The following TTC39A variants were observed in gnomAD, a reference collection of about 807,000 sequenced individuals.
TTC39A encodes the protein tetratricopeptide repeat domain 39A, also known as tetratricopeptide repeat protein 39A.
TTC39A carries 46 observed loss-of-function variants against 82.3 expected under a neutral mutation model. The ratio of observed to expected loss-of-function variants is 0.56; its 90% confidence interval spans 0.44 to 0.71. TTC39A has a LOEUF of 0.71. TTC39A is among the 30% of genes least tolerant of loss of function. TTC39A has a pLI of 0.00. For synonymous variants in TTC39A, 254 were observed against 275.2 expected, an observed-to-expected ratio of 0.92 and a Z score of 0.76; for missense variants, 543 against 712.9, an observed-to-expected ratio of 0.76 and a Z score of 2.71.
At chr1:51,326,394 C>T (rs980652208) in intron 1 of TTC39A, among the ~76,000 whole-genome samples, 2 of 152,114 alleles carry the variant, frequency 1.3e-5, no homozygotes, top group African/African-American at 2.4e-5. Context: ...GAGGTACAAG[C>T]GTTCTGGAAG....
At chr1:51,323,985 G>T (rs943147424) in intron 1 of TTC39A, among the ~76,000 whole-genome samples, 2 of 152,142 alleles carry the variant, frequency 1.3e-5, no homozygotes, top group Non-Finnish European at 2.9e-5. Flanking sequence ...TGTGGGACAG[G>T]ATACATTGCT....
intron 1 of TTC39A, chr1:51,344,941 C>G (rs1294824058): frequency 6.6e-7 from 1 of 1,524,796 alleles, no homozygotes; most frequent in Non-Finnish European, 8.8e-7. Flanking sequence ...CTCCGGCGGC[C>G]CCTTGGTCCC....
At chr1:51,310,396 T>A (rs1191815071) in intron 5 of TTC39A, among the ~76,000 whole-genome samples, 1 of 152,136 alleles carries the variant, frequency 6.6e-6, no homozygotes, top group East Asian at 1.9e-4. Context: ...TGGTGGGTGT[T>A]CATTATTTGT....
upstream of TTC39A, chr1:51,331,679 C>T: frequency 1.0e-6 from 1 of 985,384 alleles, no homozygotes; most frequent in African/African-American, 1.7e-5. Flanking sequence ...CCATCCTGCC[C>T]ATTTGTGAGC....
At chr1:51,342,969 G>A (rs781656275) in intron 1 of TTC39A, 2 of 441,120 alleles carry the variant, frequency 4.5e-6, no homozygotes, top group South Asian at 3.1e-5. Flanking sequence ...CCTCCCCTCT[G>A]CTCTCCCTGC....
rs774666422 is a variant in TTC39A at position 51,309,241 on chromosome 1, G to A, written c.488+20C>T. On this transcript the variant is annotated intron_variant, in intron 6 of 17. Coordinates refer to ENST00000680483, the MANE Select transcript of TTC39A (RefSeq NM_001297663.2). ...TGTGGCCCAGGGTCTCCCCACAAGC[G>A]GATGGCCAGCCCCACTCACTTGTAG... 33 of 1,592,892 alleles carry A rather than the reference G, an allele frequency of 2.1e-5. No individual in the cohort carries two copies. Among genetic ancestry groups the A allele is most frequent in the Non-Finnish European group, 2.4e-5 (28 of 1,168,214 alleles).
At chr1:51,331,836 CT>C (rs1209368978), upstream of TTC39A, 45 of 984,334 alleles carry the variant, frequency 4.6e-5, no homozygotes, top group African/African-American at 7.3e-4. Flanking sequence ...GACTGGGGAG[CT>C]TCCTGGAAGA....
chr1:51,316,893 A>C (rs1645306914), intron 2 of TTC39A, among the ~76,000 whole-genome samples: 1 of 152,172 alleles, frequency 6.6e-6, no homozygotes, highest in Non-Finnish European at 1.5e-5. Flanking sequence ...CCACACACAC[A>C]GCAGTCAGTG....
chr1:51,315,023 A>AC (rs959871895), intron 2 of TTC39A, among the ~76,000 whole-genome samples: 11 of 149,898 alleles, frequency 7.3e-5, no homozygotes, highest in Admixed American at 7.3e-4. Flanking sequence ...CCCAGATAAC[A>AC]CCCCCAGCCC....
At chr1:51,304,094 T>C (rs549169954) in intron 8 of TTC39A, among the ~76,000 whole-genome samples, 269 of 152,282 alleles carry the variant, frequency 1.8e-3, no homozygotes, top group African/African-American at 6.1e-3. Flanking sequence ...GCTCGTGGGG[T>C]TTGAACTCTC....
intron 5 of TTC39A, among the ~76,000 whole-genome samples, chr1:51,310,905 A>T (rs1302674096): frequency 1.3e-5 from 2 of 152,290 alleles, no homozygotes; most frequent in Non-Finnish European, 2.9e-5. Flanking sequence ...CTGGTACATC[A>T]TAGGTGCTAC....
upstream of TTC39A, among the ~76,000 whole-genome samples, chr1:51,335,822 T>C (rs1645967678): frequency 6.6e-6 from 1 of 152,028 alleles, no homozygotes; most frequent in Non-Finnish European, 1.5e-5. Flanking sequence ...CATGATGCCA[T>C]TGTTGTAGAA....
intron 1 of TTC39A, among the ~76,000 whole-genome samples, chr1:51,344,016 T>A (rs1646067255): frequency 1.3e-5 from 2 of 151,926 alleles, no homozygotes; most frequent in African/African-American, 4.8e-5. Context: ...AATAGTCCAA[T>A]GAGAATAAAC....
Position 51,294,350 on chromosome 1 carries a change from C to A in TTC39A, c.1266+41G>T. 1 of 1,613,396 alleles carries A rather than the reference C, an allele frequency of 6.2e-7. No homozygotes were observed. The highest frequency in any genetic ancestry group is 8.5e-7 in the Non-Finnish European group (1 of 1,179,646). Reference sequence around the variant, plus strand: ...TGGCTCTCAGTGAATCCCCACAATCCTATACCCGGAGGGCAGCGCCAGTCC... The same window carrying A: ...TGGCTCTCAGTGAATCCCCACAATCATATACCCGGAGGGCAGCGCCAGTCC... On this transcript the variant is annotated intron_variant, in intron 14 of 17. Coordinates refer to ENST00000680483, the MANE Select transcript of TTC39A (RefSeq NM_001297663.2). The surrounding 1 kb of genome is among the most constrained non-coding windows in gnomAD (Gnocchi z 4.3).
At chr1:51,303,264 G>C in intron 8 of TTC39A, 72 bp from the exon 9 acceptor site, 1 of 1,322,820 alleles carries the variant, frequency 7.6e-7, no homozygotes, top group Non-Finnish European at 1.0e-6. Context: ...ACAGCTGTGT[G>C]GGCAGTGCTG....
intron 2 of TTC39A, among the ~76,000 whole-genome samples, chr1:51,315,576 T>C (rs1460527522): frequency 2.6e-5 from 4 of 152,164 alleles, no homozygotes; most frequent in African/African-American, 9.7e-5. Context: ...CTCCACTTTC[T>C]GGTCCTTTCA....
chr1:51,302,878 T>G (rs1210747855), intron 9 of TTC39A, among the ~76,000 whole-genome samples: 4 of 152,134 alleles, frequency 2.6e-5, no homozygotes, highest in Non-Finnish European at 5.9e-5. Flanking sequence ...ATTTCACAGA[T>G]GAGAAAACTG....
chr1:51,295,932 AG>A (rs1051052873), intron 13 of TTC39A, 146 bp downstream of exon 13: 8 of 755,376 alleles, frequency 1.1e-5, no homozygotes, highest in Middle Eastern at 3.2e-4. Context: ...GAGGACACGC[AG>A]GGGGGGCAGT....
chr1:51,302,963 T>G, intron 9 of TTC39A, 121 bp downstream of exon 9: 3 of 868,716 alleles, frequency 3.5e-6, no homozygotes, highest in Non-Finnish European at 5.4e-6. Flanking sequence ...TGTGGCTCTG[T>G]TTCTGGTTTC....
Sources: gnomAD v4.1 joint callset for allele counts (sites outside exome capture counted in the v4.1 genomes callset) on GRCh38, gnomAD v4.1.1 for gene constraint, Gnocchi (gnomAD v3.1) non-coding constraint, MANE v1.5 for transcripts, NCBI Gene and HGNC (gene_info 2026-07-23, HGNC 2026-07-21) for gene names.